THSD4: variants seen among roughly 807,000 people sequenced by gnomAD.
The protein encoded by THSD4 is thrombospondin type 1 domain containing 4.
In THSD4, 69 loss-of-function variants were observed where a neutral mutation model predicts 119.0. The observed-to-expected ratio is 0.58, with a 90% CI of 0.48 to 0.71. The LOEUF is 0.71. THSD4 is among the 30% of genes least tolerant of loss of function. The pLI, the probability that THSD4 is intolerant of heterozygous loss-of-function variation, is 0.00. For missense variants in THSD4, 1,393 were observed against 1,391.1 expected (o/e 1.00, Z -0.02); for synonymous variants, 524 against 540.4 (o/e 0.97, Z 0.42).
chr15:71,302,992 T>C (rs900337435), intron 6 of THSD4, among the ~76,000 whole-genome samples: 4 of 152,020 alleles, frequency 2.6e-5, no homozygotes, highest in African/African-American at 9.7e-5. Context: ...GAAGGCTGCA[T>C]GCAGCCTCAG....
intron 6 of THSD4, among the ~76,000 whole-genome samples, chr15:71,271,324 C>T (rs949314932): frequency 6.6e-6 from 1 of 152,086 alleles, no homozygotes; most frequent in Non-Finnish European, 1.5e-5. Context: ...CATGTAAAAT[C>T]CTGGATGAAT....
At chr15:71,167,700 A>T (rs1324142376) in intron 3 of THSD4, among the ~76,000 whole-genome samples, 2 of 152,248 alleles carry the variant, frequency 1.3e-5, no homozygotes, top group African/African-American at 4.8e-5. Flanking sequence ...GGCATAAAGA[A>T]TTAGAAAACC....
chr15:71,494,753 G>T (rs1019106297), intron 7 of THSD4, among the ~76,000 whole-genome samples: 1 of 152,200 alleles, frequency 6.6e-6, no homozygotes, highest in Non-Finnish European at 1.5e-5. Context: ...TTGATTTTAT[G>T]CCAGTGCTAG....
intron 4 of THSD4, among the ~76,000 whole-genome samples, chr15:71,227,812 T>C (rs2140261476): frequency 6.6e-6 from 1 of 152,334 alleles, no homozygotes; most frequent in Middle Eastern, 3.4e-3. Flanking sequence ...CCGCTGTGGT[T>C]GACCTGTAAT....
intron 1 of THSD4, among the ~76,000 whole-genome samples, chr15:71,131,438 G>A (rs577108637): frequency 9.9e-5 from 15 of 151,326 alleles, no homozygotes; most frequent in Admixed American, 3.3e-4. Context: ...GGTGGCTCGC[G>A]GAGCGAGTCT....
At chr15:71,716,730 G>A (rs561831671) in intron 8 of THSD4, among the ~76,000 whole-genome samples, 9 of 151,984 alleles carry the variant, frequency 5.9e-5, no homozygotes, top group Non-Finnish European at 1.0e-4. Context: ...CCTCCTACCC[G>A]ACTTCCAGGG....
chr15:71,455,924 C>T (rs1030222410), intron 7 of THSD4, among the ~76,000 whole-genome samples: 3 of 152,160 alleles, frequency 2.0e-5, no homozygotes, highest in African/African-American at 7.2e-5. Flanking sequence ...GATCCTGCCC[C>T]GTTGAGGTCA....
intron 7 of THSD4, among the ~76,000 whole-genome samples, chr15:71,656,363 C>T (rs1408253261): frequency 6.6e-6 from 1 of 152,098 alleles, no homozygotes; most frequent in African/African-American, 2.4e-5. Flanking sequence ...ATGAGTCTTA[C>T]ACTATTTCAA....
At chr15:71,189,920 T>A (rs1045448598) in intron 3 of THSD4, among the ~76,000 whole-genome samples, 1 of 152,186 alleles carries the variant, frequency 6.6e-6, no homozygotes, top group Non-Finnish European at 1.5e-5. Flanking sequence ...TACTCAGAAC[T>A]GCTGCGGGAG....
intron 2 of THSD4, among the ~76,000 whole-genome samples, chr15:71,148,460 G>C (rs542405833): frequency 6.6e-6 from 1 of 152,182 alleles, no homozygotes; most frequent in African/African-American, 2.4e-5. Context: ...TCTAAGAAAG[G>C]TTTCTTAAGC....
intron 7 of THSD4, among the ~76,000 whole-genome samples, chr15:71,584,954 G>A (rs2049636452): frequency 6.6e-6 from 1 of 151,646 alleles, no homozygotes; most frequent in Non-Finnish European, 1.5e-5. Context: ...AGCTTTGATT[G>A]AATTTAAAAA....
intron 6 of THSD4, among the ~76,000 whole-genome samples, chr15:71,385,342 G>A (rs893077563): frequency 6.6e-6 from 1 of 152,148 alleles, no homozygotes; most frequent in African/African-American, 2.4e-5. Flanking sequence ...GGGGTCATTG[G>A]AGTCTGACTT....
intron 6 of THSD4, among the ~76,000 whole-genome samples, chr15:71,387,223 T>C (rs1394491482): frequency 4.6e-5 from 7 of 151,044 alleles, no homozygotes; most frequent in African/African-American, 1.5e-4. Context: ...AAAAACAGGC[T>C]GAGAGACTAT....
chr15:71,699,769 G>C (rs542686066), intron 8 of THSD4, among the ~76,000 whole-genome samples: 1 of 152,086 alleles, frequency 6.6e-6, no homozygotes, highest in South Asian at 2.1e-4. Context: ...AGGGCTTTGT[G>C]GGGGGCAAAT....
At chr15:71,480,988 AG>A (rs2047722323) in intron 7 of THSD4, among the ~76,000 whole-genome samples, 1 of 152,220 alleles carries the variant, frequency 6.6e-6, no homozygotes, top group Non-Finnish European at 1.5e-5. Context: ...AATGTCAAAT[AG>A]TATACAAAGT....
chr15:71,219,297 C>G, intron 4 of THSD4, among the ~76,000 whole-genome samples: 1 of 152,212 alleles, frequency 6.6e-6, no homozygotes, highest in Non-Finnish European at 1.5e-5. Flanking sequence ...TGATTCCAAT[C>G]CAGCCAAGTT....
chr15:71,527,708 C>CTTTTTTTTTTTTTTTTTTT (rs10635101), intron 7 of THSD4, among the ~76,000 whole-genome samples: 1 of 79,716 alleles, frequency 1.3e-5, no homozygotes, highest in Non-Finnish European at 2.5e-5. Context: ...TGTTTATCCT[C>CTTTTTTTTTTTTTTTTTTT]TTTTTTTTTT....
At chr15:71,610,471 C>T (rs911007739) in intron 7 of THSD4, among the ~76,000 whole-genome samples, 5 of 152,152 alleles carry the variant, frequency 3.3e-5, no homozygotes, top group Non-Finnish European at 7.3e-5. Flanking sequence ...CACAACAGAA[C>T]TCCTGTGGCA....
At chr15:71,758,209 G>A (rs2053576844) in intron 15 of THSD4, 134 bp downstream of exon 15, 1 of 1,126,906 alleles carries the variant, frequency 8.9e-7, no homozygotes, top group Non-Finnish European at 1.2e-6. Flanking sequence ...CTGTGACCCT[G>A]GAGAAGCTAT....
Sources: allele counts gnomAD v4.1 joint callset (sites outside exome capture counted in the v4.1 genomes callset), GRCh38; gene constraint gnomAD v4.1.1; transcripts MANE v1.5; gene names NCBI Gene and HGNC (gene_info 2026-07-23, HGNC 2026-07-21).